Variants in ABR observed in about 807,000 individuals in gnomAD.
ABR encodes the protein ABR activator of RhoGEF and GTPase.
Under a neutral mutation model 107.2 loss-of-function variants are expected in ABR, and 35 were observed. The observed-to-expected ratio is 0.33, with a 90% CI of 0.25 to 0.43. The LOEUF is 0.43. ABR is among the 20% of genes least tolerant of loss of function. The probability of loss-of-function intolerance (pLI) is 1.00; values close to 1 mark genes in which losing one functional copy is unlikely to be tolerated. For missense variants in ABR, 815 were observed against 1,115.2 expected (o/e 0.73, Z 3.83); for synonymous variants, 498 against 462.0 (o/e 1.08, Z -1.00).
At chr17:1,189,902 C>G (rs1223402761), upstream of ABR, among the ~76,000 whole-genome samples, 1 of 135,352 alleles carries the variant, frequency 7.4e-6, no homozygotes, top group Admixed American at 6.9e-5. Flanking sequence ...AATGAATGAG[C>G]AAGTGTGAAT....
chr17:1,067,996 G>C (rs988955813), intron 9 of ABR, among the ~76,000 whole-genome samples: 1 of 152,120 alleles, frequency 6.6e-6, no homozygotes, highest in Non-Finnish European at 1.5e-5. Context: ...GCAATGGCGC[G>C]ATCTCCACTC....
chr17:1,032,701 T>C (rs1172626965), intron 16 of ABR, among the ~76,000 whole-genome samples: 1 of 142,568 alleles, frequency 7.0e-6, no homozygotes, highest in Admixed American at 7.3e-5. Context: ...CTTCAATTTA[T>C]TTAGTGAACT....
chr17:1,179,649 C>G lies in ABR; in HGVS notation c.61+18G>C. 1 of 1,525,636 alleles carries G rather than the reference C, an allele frequency of 6.6e-7. No homozygotes were observed. Among genetic ancestry groups the G allele is most frequent in the South Asian group, 1.2e-5 (1 of 81,262 alleles). The allele number at this position is 1,525,636 out of a possible 1,614,324, so 94.5% of individuals were successfully genotyped here. A position where few individuals can be genotyped will look rare whatever the true frequency, so the allele number is the denominator to read the frequency against. On this transcript the variant is annotated intron_variant, in intron 1 of 22. Coordinates refer to ENST00000302538, the MANE Select transcript of ABR (RefSeq NM_021962.5). This position sits in a 1 kb window ranked among gnomAD's most constrained non-coding sequence, Gnocchi z 4.9. ...CCGATCCCGATCCTGGGGTCCCGCC[C>G]CCGCCCGGCACACGTACTGCTGTAG...
At chr17:1,191,354 CTTTTTTTT>C (rs761910557), upstream of ABR, among the ~76,000 whole-genome samples, 1 of 96,490 alleles carries the variant, frequency 1.0e-5, no homozygotes. Flanking sequence ...TTTTTCTTTT[CTTTTTTTT>C]TTTTTTTTTT....
chr17:1,074,991 G>A (rs2035582438), intron 6 of ABR, among the ~76,000 whole-genome samples: 1 of 152,208 alleles, frequency 6.6e-6, no homozygotes, highest in Non-Finnish European at 1.5e-5. Flanking sequence ...GTGGCAGCCT[G>A]AGGGGCAAAG....
Position 1,073,608 on chromosome 17 carries a change from G to A in ABR, c.753+17C>T, listed in dbSNP as rs537875006. ...ACTCCTAAGCCCTCTCTGGCCATTC[G>A]GAGGCTTGACACTCACGTGTAGGAC... On this transcript the variant is annotated intron_variant, in intron 7 of 22. Coordinates refer to ENST00000302538, the MANE Select transcript of ABR (RefSeq NM_021962.5). 1.2e-4 allele frequency: 180 copies of A among 1,559,044 alleles called. No individual in the cohort carries two copies. The highest frequency in any genetic ancestry group is 1.4e-4 in the Non-Finnish European group (166 of 1,145,228).
chr17:1,212,758 G>A (rs946742063), intron 1 of ABR, among the ~76,000 whole-genome samples: 4 of 151,970 alleles, frequency 2.6e-5, no homozygotes, highest in South Asian at 2.1e-4. Flanking sequence ...GTGTGGTGGC[G>A]GACGCCTGTA....
chr17:1,031,831 C>A (rs868636766), intron 16 of ABR: 4 of 1,226,292 alleles, frequency 3.3e-6, no homozygotes, highest in Non-Finnish European at 4.1e-6. Flanking sequence ...CTAGTCCCGC[C>A]GGCTTTCCCC....
chr17:1,213,301 A>T (rs2042937805), intron 1 of ABR, among the ~76,000 whole-genome samples: 1 of 152,216 alleles, frequency 6.6e-6, no homozygotes, highest in African/African-American at 2.4e-5. Context: ...TAGCAAACTA[A>T]GGGGCATCCA....
intron 1 of ABR, among the ~76,000 whole-genome samples, chr17:1,149,149 C>A (rs2040688311): frequency 6.6e-6 from 1 of 152,108 alleles, no homozygotes; most frequent in East Asian, 1.9e-4. Context: ...GTGGTCCACC[C>A]ACCTCGGCCT....
intron 16 of ABR, among the ~76,000 whole-genome samples, chr17:1,024,049 A>AAAAAAAAAAAAAAAAAAAAAAG (rs2071963289): frequency 1.4e-5 from 2 of 140,530 alleles, no homozygotes; most frequent in African/African-American, 5.4e-5. Flanking sequence ...AAAAAAAAAA[A>AAAAAAAAAAAAAAAAAAAAAAG]GCAGCATCAA....
At chr17:1,088,711 G>C (rs1214396314) in intron 4 of ABR, among the ~76,000 whole-genome samples, 1 of 151,368 alleles carries the variant, frequency 6.6e-6, no homozygotes, top group Non-Finnish European at 1.5e-5. Flanking sequence ...TCAGCCTCCC[G>C]AGTAGTAGCT....
At chr17:1,191,418 C>T (rs28434254), upstream of ABR, among the ~76,000 whole-genome samples, 86,125 of 143,402 alleles carry the variant, frequency 0.6, 27,785 homozygotes, top group Middle Eastern at 0.77. Flanking sequence ...AGTGCAGTGG[C>T]GCAATCTCAG....
At chr17:1,207,352 T>C (rs2042807896) in intron 1 of ABR, among the ~76,000 whole-genome samples, 1 of 152,104 alleles carries the variant, frequency 6.6e-6, no homozygotes, top group Admixed American at 6.6e-5. Context: ...TATTTGTATT[T>C]AAAATGCATA....
At chr17:1,173,242 C>A (rs577185550) in intron 1 of ABR, among the ~76,000 whole-genome samples, 2,646 of 127,108 alleles carry the variant, frequency 0.021, 17 homozygotes, top group Non-Finnish European at 0.033. Context: ...CTCAGCCCAC[C>A]CAACACATCA....
At chr17:1,194,959 T>C (rs1466826443) in intron 1 of ABR, among the ~76,000 whole-genome samples, 2 of 148,218 alleles carry the variant, frequency 1.3e-5, no homozygotes, top group Non-Finnish European at 3.0e-5. Flanking sequence ...ACCCTAATTT[T>C]TTTTTTAATT....
At position 1,022,230 on chromosome 17, in the gene ABR, C is replaced by T. The variant is rs555911287; in HGVS notation, c.1792-9066G>A. Reference sequence around the variant, plus strand: ...CATTTCACGCCTGCCCTGGAGGGGCCGCGGAGCCCAGGCCCTGAGCCAGGC... The same window carrying T: ...CATTTCACGCCTGCCCTGGAGGGGCTGCGGAGCCCAGGCCCTGAGCCAGGC... On this transcript the variant is annotated intron_variant, in intron 16 of 22. Coordinates refer to ENST00000302538, the MANE Select transcript of ABR (RefSeq NM_021962.5). Among the ~76,000 whole-genome samples the T allele has an allele frequency of 1.6e-4, 24 of 152,296 alleles. No homozygotes were observed. The East Asian group carries it at 2.7e-3, about 17-fold the overall frequency.
chr17:1,186,067 C>A (rs1455685436), intron 1 of ABR, among the ~76,000 whole-genome samples: 2 of 152,194 alleles, frequency 1.3e-5, no homozygotes, highest in Non-Finnish European at 2.9e-5. Context: ...GAACTCCCAA[C>A]CTCAGGTGAT....
chr17:1,067,828 C>T (rs933531986), intron 9 of ABR, among the ~76,000 whole-genome samples: 7 of 152,216 alleles, frequency 4.6e-5, no homozygotes, highest in African/African-American at 7.2e-5. Flanking sequence ...TCGCAAAGGA[C>T]GACAGGCAGA....
Sources: gnomAD v4.1 joint callset for allele counts (sites outside exome capture counted in the v4.1 genomes callset) on GRCh38, gnomAD v4.1.1 for gene constraint, Gnocchi (gnomAD v3.1) non-coding constraint, MANE v1.5 for transcripts, NCBI Gene and HGNC (gene_info 2026-07-23, HGNC 2026-07-21) for gene names.